Variants in EIF5B observed in about 807,000 individuals in gnomAD.
EIF5B encodes eukaryotic translation initiation factor 5B.
In EIF5B, 47 loss-of-function variants were observed where a neutral mutation model predicts 147.5. The ratio of observed to expected loss-of-function variants is 0.32; its 90% CI spans 0.25 to 0.41. The LOEUF (loss-of-function observed/expected upper bound fraction) is 0.41. Among genes scored for constraint, EIF5B ranks in the 10% least tolerant of loss-of-function variants. The probability of loss-of-function intolerance (pLI) is 1.00; values close to 1 mark genes in which losing one functional copy is unlikely to be tolerated. For synonymous variants in EIF5B, 455 were observed against 456.2 expected (o/e 1.00, Z 0.03); for missense variants, 1,064 against 1,413.2 (o/e 0.75, Z 3.96).
Position 99,400,315 on chromosome 2 carries a change from TACAC to T in EIF5B, c.*905_*908del, listed in dbSNP as rs979302951. ...TGTTTTGTCCTAGAAAATTCCATCA[TACAC>T]ACATTTCCTGATATTTGGGCTTAGT... On this transcript the variant is annotated 3_prime_UTR_variant, in exon 24 of 24. Coordinates refer to ENST00000289371, the MANE Select transcript of EIF5B (RefSeq NM_015904.4). 5.9e-5 allele frequency: 9 copies of T among 152,312 alleles called. No individual in the cohort carries two copies. The highest frequency in any genetic ancestry group is 1.9e-4 in the East Asian group (1 of 5,190). The allele number at this position is 152,312 out of a possible 1,614,324, so 9.4% of individuals were successfully genotyped here. A position where few individuals can be genotyped will look rare whatever the true frequency, so the allele number is the denominator to read the frequency against.
intron 8 of EIF5B, 85 bp downstream of exon 8, chr2:99,369,566 T>C: frequency 8.9e-7 from 1 of 1,122,118 alleles, no homozygotes; most frequent in Non-Finnish European, 1.2e-6. Flanking sequence ...TTATTATAAA[T>C]AATTGGGGAG....
chr2:99,363,039 G>A (rs994217885), intron 4 of EIF5B, among the ~76,000 whole-genome samples: 18 of 152,134 alleles, frequency 1.2e-4, no homozygotes, highest in Admixed American at 9.2e-4. Flanking sequence ...GATTACAGGT[G>A]TGAGCCACCG....
At chr2:99,344,965 G>A (rs1423757505) in intron 1 of EIF5B, among the ~76,000 whole-genome samples, 4 of 152,222 alleles carry the variant, frequency 2.6e-5, no homozygotes, top group East Asian at 3.9e-4. Context: ...TGTATTATAA[G>A]AAACATTTAT....
chr2:99,363,714 A>G lies in EIF5B; in HGVS notation c.989A>G (p.Lys330Arg). Residue 330 changes from lysine to arginine, a missense_variant, in exon 5 of 24, where the codon AAA becomes AGA. Around this residue, in one of 4 missense-constraint regions of EIF5B, gnomAD observed 458 missense variants for 451.3 expected, o/e 1.01. Transcript: ENST00000289371. ...AAAGGAGAAAAGGAAGAAAAAGAGA[A>G]AGAGAAGAAAAAAGGACCTAGCAAA... ...KKKGEKEEKE[K>R]EKKKGPSKAT... The G allele has an allele frequency of 6.2e-7, 1 of 1,605,070 alleles. No homozygotes were observed. The highest frequency in any genetic ancestry group is 8.5e-7 in the Non-Finnish European group (1 of 1,178,060).
rs771701044 is a variant in EIF5B, at chr2:99,396,871, G to T, written c.3366G>T (p.Gly1122=). Residue 1122 remains glycine, a synonymous_variant, in exon 22 of 24, where the codon GGG becomes GGT. Transcript: ENST00000289371. ...VTVEAGQVKQ[G]TPMCVPSKNF... The stretch of plus-strand genomic sequence containing the variant: ...TGGAAGCAGGTCAGGTGAAACAGGG[G>T]ACACCCATGTGTGTCCCAAGCAAAA... 5.0e-6 allele frequency: 8 copies of T among 1,608,202 alleles called. No homozygotes were observed. In the East Asian group the frequency reaches 1.6e-4, roughly 31 times the overall value.
chr2:99,393,995 AC>A (rs1184986731), intron 18 of EIF5B, among the ~76,000 whole-genome samples: 2 of 152,194 alleles, frequency 1.3e-5, no homozygotes, highest in East Asian at 3.8e-4. Context: ...AATTCTGCCC[AC>A]CCATCTACTG....
At chr2:99,377,768 T>C (rs1227624192) in intron 10 of EIF5B, among the ~76,000 whole-genome samples, 1 of 152,080 alleles carries the variant, frequency 6.6e-6, no homozygotes, top group African/African-American at 2.4e-5. Context: ...GGCTTCAAGG[T>C]AGGAATTTTG....
At chr2:99,349,311 G>A (rs1021366778) in intron 1 of EIF5B, among the ~76,000 whole-genome samples, 1 of 152,214 alleles carries the variant, frequency 6.6e-6, no homozygotes, top group Non-Finnish European at 1.5e-5. Flanking sequence ...TTGAAGTGTG[G>A]AATAATTTGG....
intron 14 of EIF5B, among the ~76,000 whole-genome samples, chr2:99,385,602 G>A (rs7586892): frequency 0.62 from 94,291 of 152,058 alleles, 30,074 homozygotes; most frequent in African/African-American, 0.75. Context: ...ATATAATGCT[G>A]TCACACACTT....
intron 8 of EIF5B, among the ~76,000 whole-genome samples, chr2:99,370,040 T>A (rs1674412616): frequency 6.6e-6 from 1 of 152,204 alleles, no homozygotes; most frequent in Non-Finnish European, 1.5e-5. Flanking sequence ...ATGCTTTTAT[T>A]TATGAGTCAG....
chr2:99,340,040 A>T (rs1222098189), intron 1 of EIF5B, among the ~76,000 whole-genome samples: 6 of 151,948 alleles, frequency 3.9e-5, no homozygotes, highest in Non-Finnish European at 7.4e-5. Context: ...ACATTTTGTG[A>T]GTGTGTGTGT....
Position 99,399,483 on chromosome 2 carries a change from CAA to C in EIF5B, c.*74_*75del. 7.0e-7 allele frequency: 1 copy of C among 1,428,842 alleles called. No homozygotes were observed. The highest frequency in any genetic ancestry group is 9.7e-7 in the Non-Finnish European group (1 of 1,026,024). 88.5% of individuals were successfully genotyped at this position (1,428,842 alleles called of 1,614,324 possible). On this transcript the variant is annotated 3_prime_UTR_variant, in exon 24 of 24. Coordinates refer to ENST00000289371, the MANE Select transcript of EIF5B (RefSeq NM_015904.4). ...TTGTAATATCCCAACAAAAATCAGA[CAA>C]AAAATGGAACAGACGTATTTGGACA...
intron 1 of EIF5B, among the ~76,000 whole-genome samples, chr2:99,352,020 T>C (rs1277091918): frequency 6.6e-6 from 1 of 152,088 alleles, no homozygotes; most frequent in Non-Finnish European, 1.5e-5. Context: ...TTTTAATTTA[T>C]GCTTCCTTAT....
chr2:99,337,699 G>A, intron 1 of EIF5B, 110 bp downstream of exon 1: 1 of 1,367,090 alleles, frequency 7.3e-7, no homozygotes. Context: ...TGAGCTTCGC[G>A]GGGTACCAGG....
rs61494312 is a variant in EIF5B, at chr2:99,386,468, C to CGTGTGTGT, written c.2272-3221_2272-3214dup. Reference sequence around the variant, plus strand: ...TTTTCATTTTCTTTGTTTTGTTTTGCGTGTGTGTGTGTGTGTGTGTGTGTG... The same window carrying CGTGTGTGT: ...TTTTCATTTTCTTTGTTTTGTTTTGCGTGTGTGTGTGTGTGTGTGTGTGTGTGTGTGTG... On this transcript the variant is annotated intron_variant, in intron 14 of 23. Transcript: ENST00000289371. Among the ~76,000 whole-genome samples, 357 of 142,470 alleles carry CGTGTGTGT rather than the reference C, an allele frequency of 2.5e-3. 1 individual carries two copies. The highest frequency in any genetic ancestry group is 7.8e-3 in the African/African-American group (304 of 38,946). The allele number at this position is 142,470 out of a possible 152,430, so 93.5% of individuals were successfully genotyped here. A position where few individuals can be genotyped will look rare whatever the true frequency, so the allele number is the denominator to read the frequency against.
chr2:99,398,716 T>C (rs1675124793), intron 22 of EIF5B, 32 bp from the exon 23 acceptor site: 1 of 1,589,054 alleles, frequency 6.3e-7, no homozygotes, highest in South Asian at 1.1e-5. Context: ...TGAATTCTTC[T>C]GCATGCATTT....
chr2:99,359,520 G>GA (rs1171521423), intron 1 of EIF5B, among the ~76,000 whole-genome samples: 1 of 152,084 alleles, frequency 6.6e-6, no homozygotes, highest in African/African-American at 2.4e-5. Flanking sequence ...TTTTAGACTG[G>GA]ACTGCCTTCA....
intron 6 of EIF5B, among the ~76,000 whole-genome samples, chr2:99,367,893 A>G (rs1467941519): frequency 1.3e-5 from 2 of 152,218 alleles, no homozygotes; most frequent in Admixed American, 6.5e-5. Context: ...GCCCAAGAGA[A>G]ATGTTCACAC....
chr2:99,368,645 C>A, intron 7 of EIF5B, 54 bp downstream of exon 7: 1 of 1,352,534 alleles, frequency 7.4e-7, no homozygotes, highest in East Asian at 2.3e-5. Context: ...GCCTTTCCCC[C>A]ACAATCTTCA....
Sources: gnomAD v4.1 joint callset for allele counts (sites outside exome capture counted in the v4.1 genomes callset) on GRCh38, gnomAD v4.1.1 for gene constraint, gnomAD v4.1.1 regional missense constraint, MANE v1.5 for transcripts, NCBI Gene and HGNC (gene_info 2026-07-23, HGNC 2026-07-21) for gene names.